The following AKR1C4 variants were observed in gnomAD, a reference collection of about 807,000 sequenced individuals.
AKR1C4 encodes 3-alpha-HSD1.
AKR1C4 carries 44 observed loss-of-function variants against 41.0 expected under a neutral mutation model. The observed-to-expected ratio is 1.07, with a 90% confidence interval of 0.84 to 1.38. AKR1C4 has a LOEUF of 1.38. AKR1C4 is among the 40% of genes most tolerant of loss of function. AKR1C4 has a pLI of 0.00. For synonymous variants in AKR1C4, 165 were observed against 137.7 expected, an observed-to-expected ratio of 1.20 and a Z score of -1.39; for missense variants, 438 against 387.9, an observed-to-expected ratio of 1.13 and a Z score of -1.09.
chr10:5,200,167 C>A lies in AKR1C4; in HGVS notation c.85-14C>A. 6.2e-7 allele frequency: 1 copy of A among 1,605,314 alleles called. No homozygotes were observed. The highest frequency in any genetic ancestry group is 8.5e-7 in the Non-Finnish European group (1 of 1,175,986). ...ACATTGATCACCAAATACTACCTTT[C>A]GTTGCTCCTTCAGGTTCCGAGGAAC... On this transcript the variant is annotated splice_polypyrimidine_tract_variant and intron_variant, in intron 1 of 8. Transcript: ENST00000263126.
At chr10:5,215,163 T>C (rs782127889) in intron 7 of AKR1C4, among the ~76,000 whole-genome samples, 11 of 152,182 alleles carry the variant, frequency 7.2e-5, no homozygotes, top group Non-Finnish European at 1.5e-4. Flanking sequence ...CATGTACTTA[T>C]AAGATTCGGA....
chr10:5,216,232 T>C (rs553077455), intron 7 of AKR1C4, among the ~76,000 whole-genome samples: 1 of 152,294 alleles, frequency 6.6e-6, no homozygotes, highest in Admixed American at 6.5e-5. Context: ...CTCATTACCA[T>C]GGGGAGGGCA....
At chr10:5,209,795 C>G (rs142509239) in intron 5 of AKR1C4, among the ~76,000 whole-genome samples, 4,264 of 152,306 alleles carry the variant, frequency 0.028, 115 homozygotes, top group Middle Eastern at 0.075. Context: ...AGGTCCCTCC[C>G]ACAACACATG....
intron 1 of AKR1C4, among the ~76,000 whole-genome samples, chr10:5,197,839 A>C (rs540758200): frequency 2.9e-4 from 44 of 152,210 alleles, no homozygotes; most frequent in Non-Finnish European, 5.7e-4. Flanking sequence ...GCAAATTGGC[A>C]TGAAGGAGAA....
chr10:5,218,458 G>T (rs546840201), intron 8 of AKR1C4, among the ~76,000 whole-genome samples: 1 of 151,784 alleles, frequency 6.6e-6, no homozygotes, highest in Non-Finnish European at 1.5e-5. Context: ...CAGATATGGA[G>T]GACTATGTTT....
rs188731180 is a variant in AKR1C4 at position 5,207,133 on chromosome 10, T to C, written c.570+736T>C. On this transcript the variant is annotated intron_variant, in intron 5 of 8. Coordinates refer to ENST00000263126, the MANE Select transcript of AKR1C4 (RefSeq NM_001818.5). ...GTTCTAAAGCATAAAAAAGAAAGCA[T>C]TTCATTTTGGGACATTTATTTGCAG... 460 of 179,972 alleles carry C rather than the reference T, an allele frequency of 2.6e-3. 4 individuals are homozygous for C. The highest frequency in any genetic ancestry group is 0.01 in the African/African-American group (433 of 42,252). The allele number at this position is 179,972 out of a possible 1,614,324, so 11.1% of individuals were successfully genotyped here. A position where few individuals can be genotyped will look rare whatever the true frequency, so the allele number is the denominator to read the frequency against.
intron 5 of AKR1C4, 123 bp downstream of exon 5, chr10:5,206,520 A>T (rs1349674098): frequency 6.5e-7 from 1 of 1,530,976 alleles, no homozygotes; most frequent in East Asian, 2.3e-5. Context: ...AAAGCAAAAC[A>T]TCTGTCTAGA....
intron 5 of AKR1C4, chr10:5,207,428 A>G: frequency 2.9e-6 from 1 of 339,258 alleles, no homozygotes; most frequent in Non-Finnish European, 6.0e-6. Flanking sequence ...TAGAAGCCAT[A>G]TGCAAGATGC....
chr10:5,205,789 T>C lies in AKR1C4; in HGVS notation c.402T>C (p.Asn134=). ...PGETPLPKDE[N]GKVIFDTVDL... ...AGACGCCACTACCAAAAGATGAAAA[T>C]GGAAAAGTAATATTCGACACAGTGG... is the stretch of plus-strand genomic sequence containing the variant. The change falls in exon 4 of 9, where the codon AAT becomes AAC. Residue 134 remains asparagine (N), a synonymous_variant. Transcript: ENST00000263126. 2.5e-6 allele frequency: 4 copies of C among 1,613,204 alleles called. No homozygotes were observed. Among genetic ancestry groups the C allele is most frequent in the Non-Finnish European group, 3.4e-6 (4 of 1,179,484 alleles).
intron 7 of AKR1C4, among the ~76,000 whole-genome samples, chr10:5,213,520 T>G (rs1276076184): frequency 6.6e-6 from 1 of 152,228 alleles, no homozygotes; most frequent in African/African-American, 2.4e-5. Flanking sequence ...TCAGTATAAA[T>G]TTCATATATT....
In AKR1C4 at chr10:5,213,057, C is replaced by G. The variant is rs374344650; in HGVS notation, c.744C>G (p.His248Gln). Reference sequence around the variant, plus strand: ...TTCTTTGTGCCTTAGCAAAGAAACACAAACAAACCCCAGCCCTGATTGCCC... The same window carrying G: ...TTCTTTGTGCCTTAGCAAAGAAACAGAAACAAACCCCAGCCCTGATTGCCC... ...DPVLCALAKK[H>Q]KQTPALIALR... Residue 248 changes from histidine (H) to glutamine (Q), a missense_variant, in exon 7 of 9, where the codon CAC becomes CAG. Coordinates refer to ENST00000263126, the MANE Select transcript of AKR1C4 (RefSeq NM_001818.5). The G allele has an allele frequency of 3.7e-6, 6 of 1,614,008 alleles. No individual in the cohort carries two copies. In the African/African-American group the frequency reaches 5.3e-5, roughly 14 times the overall value.
chr10:5,215,911 C>T (rs1224712777), intron 7 of AKR1C4, among the ~76,000 whole-genome samples: 2 of 152,198 alleles, frequency 1.3e-5, no homozygotes, highest in African/African-American at 4.8e-5. Flanking sequence ...AAAGCCACTA[C>T]CACATTTTCA....
rs34826816 is a variant in AKR1C4 at position 5,210,124 on chromosome 10, AG to A, written c.571-2488del. Among the ~76,000 whole-genome samples the A allele has an allele frequency of 4.6e-5, 7 of 152,200 alleles. No homozygotes were observed. In the East Asian group the frequency reaches 1.2e-3, roughly 25 times the overall value. On this transcript the variant is annotated intron_variant, in intron 5 of 8. Coordinates refer to ENST00000263126, the MANE Select transcript of AKR1C4 (RefSeq NM_001818.5). Reference sequence around the variant, plus strand: ...ATGTGGGAGAAATGGGCCAAAACAAAGGGGCTACATGACCCATGCAAGTCTG... The same window carrying A: ...ATGTGGGAGAAATGGGCCAAAACAAAGGGCTACATGACCCATGCAAGTCTG...
chr10:5,205,534 T>TA (rs1832470525), intron 3 of AKR1C4, among the ~76,000 whole-genome samples: 1 of 152,138 alleles, frequency 6.6e-6, no homozygotes, highest in Non-Finnish European at 1.5e-5. Flanking sequence ...TTAAAACCTG[T>TA]AAAATGGTTA....
chr10:5,208,797 A>G (rs1297437697), intron 5 of AKR1C4, among the ~76,000 whole-genome samples: 2 of 151,530 alleles, frequency 1.3e-5, no homozygotes, highest in East Asian at 3.9e-4. Flanking sequence ...TAAAGATACC[A>G]TAAGATATTA....
intron 1 of AKR1C4, 148 bp from the exon 2 acceptor site, chr10:5,200,033 T>C: frequency 1.0e-6 from 1 of 960,146 alleles, no homozygotes; most frequent in East Asian, 2.6e-5. Context: ...CCCCCATCTG[T>C]ATGCTCCCCT....
At chr10:5,200,964 T>C (rs1257285293) in intron 2 of AKR1C4, among the ~76,000 whole-genome samples, 1 of 152,164 alleles carries the variant, frequency 6.6e-6, no homozygotes, top group African/African-American at 2.4e-5. Context: ...CACTATTCCA[T>C]GATGTATATA....
chr10:5,204,900 G>A (rs782512352), intron 3 of AKR1C4, among the ~76,000 whole-genome samples: 34 of 152,174 alleles, frequency 2.2e-4, no homozygotes, highest in Non-Finnish European at 3.8e-4. Context: ...TAGATTTGGT[G>A]GAACTCACTC....
chr10:5,202,961 G>A (rs1297871012), intron 2 of AKR1C4, among the ~76,000 whole-genome samples: 2 of 150,014 alleles, frequency 1.3e-5, no homozygotes, highest in Admixed American at 1.3e-4. Flanking sequence ...GTGTGTGTGT[G>A]TGTGTGTGTG....
Sources: allele counts gnomAD v4.1 joint callset (sites outside exome capture counted in the v4.1 genomes callset), GRCh38; gene constraint gnomAD v4.1.1; transcripts MANE v1.5; gene names NCBI Gene and HGNC (gene_info 2026-07-23, HGNC 2026-07-21).